ZNF365: variants seen among roughly 807,000 people sequenced by gnomAD.
ZNF365 encodes protein ZNF365.
Under a neutral mutation model 35.0 loss-of-function variants are expected in ZNF365, and 22 were observed. That is an observed-to-expected ratio of 0.63 (90% confidence interval 0.45 to 0.90). The LOEUF is 0.90. ZNF365 is among the 40% of genes least tolerant of loss of function. The probability of loss-of-function intolerance (pLI) is 0.00; values close to 1 mark genes in which losing one functional copy is unlikely to be tolerated. For synonymous variants in ZNF365, 188 were observed against 196.2 expected (o/e 0.96, Z 0.35); for missense variants, 448 against 500.3 (o/e 0.90, Z 1.00).
Position 62,401,160 on chromosome 10 carries a change from A to G in ZNF365, c.*1371A>G. On this transcript the variant is annotated 3_prime_UTR_variant, in exon 5 of 5. Transcript: ENST00000395254. The stretch of plus-strand genomic sequence containing the variant: ...TATACATATATATAACACATACAAA[A>G]TATATATGTTAAGTATATTAATAAT... 1.0e-6 allele frequency: 1 copy of G among 958,392 alleles called. No individual in the cohort carries two copies. The highest frequency in any genetic ancestry group is 1.2e-6 in the Non-Finnish European group (1 of 805,368). 59.4% of individuals were successfully genotyped at this position (958,392 alleles called of 1,614,324 possible). A position where few individuals can be genotyped will look rare whatever the true frequency, so the allele number is the denominator to read the frequency against.
intron 3 of ZNF365, among the ~76,000 whole-genome samples, chr10:62,459,138 A>G (rs1016726620): frequency 6.6e-6 from 1 of 152,250 alleles, no homozygotes; most frequent in Admixed American, 6.5e-5. Context: ...TGGCTAAAAC[A>G]CACATAGATG....
intron 1 of ZNF365, among the ~76,000 whole-genome samples, chr10:62,374,911 G>T (rs1589422496): frequency 6.6e-6 from 1 of 152,266 alleles, no homozygotes; most frequent in East Asian, 1.9e-4. Context: ...GCCAGGGTTT[G>T]CATCTCGTTC....
intron 4 of ZNF365, among the ~76,000 whole-genome samples, chr10:62,467,592 C>G (rs555813077): frequency 6.6e-6 from 1 of 152,114 alleles, no homozygotes; most frequent in Non-Finnish European, 1.5e-5. Flanking sequence ...ATATGATATG[C>G]GTACTACACA....
intron 3 of ZNF365, among the ~76,000 whole-genome samples, chr10:62,450,490 G>T (rs916547207): frequency 1.3e-5 from 2 of 152,130 alleles, no homozygotes; most frequent in Non-Finnish European, 2.9e-5. Flanking sequence ...AATAATTTTT[G>T]AACAAGGAGC....
chr10:62,427,722 A>T (rs1018977591), intron 3 of ZNF365, among the ~76,000 whole-genome samples: 7 of 152,046 alleles, frequency 4.6e-5, no homozygotes, highest in Non-Finnish European at 1.0e-4. Context: ...ATCACCCCTT[A>T]TGTTGCTAAT....
chr10:62,378,263 C>G (rs528592249), intron 2 of ZNF365, among the ~76,000 whole-genome samples: 3 of 152,126 alleles, frequency 2.0e-5, no homozygotes, highest in South Asian at 2.1e-4. Context: ...TTACTCTATG[C>G]GTAAAGAAAG....
intron 3 of ZNF365, among the ~76,000 whole-genome samples, chr10:62,439,071 G>C (rs1449191209): frequency 1.3e-5 from 2 of 152,178 alleles, no homozygotes; most frequent in Non-Finnish European, 2.9e-5. Context: ...ATATCGGTAA[G>C]ACTATCACCT....
chr10:62,466,848 C>T (rs537527429), intron 4 of ZNF365, among the ~76,000 whole-genome samples: 2 of 152,220 alleles, frequency 1.3e-5, no homozygotes, highest in Admixed American at 1.3e-4. Context: ...GTTGCCCAGG[C>T]TGGAGTATAG....
At chr10:62,440,261 G>T (rs1243774618) in intron 3 of ZNF365, among the ~76,000 whole-genome samples, 3 of 150,826 alleles carry the variant, frequency 2.0e-5, no homozygotes, top group Non-Finnish European at 4.4e-5. Context: ...TTTAGGTTCG[G>T]GGGTACATGT....
At chr10:62,449,602 A>T (rs146298541) in intron 3 of ZNF365, among the ~76,000 whole-genome samples, 4 of 152,344 alleles carry the variant, frequency 2.6e-5, no homozygotes, top group Non-Finnish European at 5.9e-5. Context: ...TTTGAATTAA[A>T]AAAATTCTTC....
intron 3 of ZNF365, among the ~76,000 whole-genome samples, chr10:62,430,705 A>C (rs928068632): frequency 6.6e-6 from 1 of 152,228 alleles, no homozygotes; most frequent in Non-Finnish European, 1.5e-5. Flanking sequence ...CAAGCTGCCA[A>C]AACAGGAAGG....
At chr10:62,459,911 A>G (rs1564598220) in intron 4 of ZNF365, 2 of 874,176 alleles carry the variant, frequency 2.3e-6, no homozygotes, top group South Asian at 3.1e-5. Flanking sequence ...TTTCTGTATG[A>G]AAACACACAT....
chr10:62,375,052 G>A (rs924230637), intron 1 of ZNF365, among the ~76,000 whole-genome samples: 8 of 152,174 alleles, frequency 5.3e-5, no homozygotes, highest in Non-Finnish European at 7.3e-5. Context: ...CTCTGCTTTT[G>A]AAGAGGTTGA....
rs141474891 is a variant in ZNF365, at chr10:62,399,326, T to A, written c.963-202T>A. Among the ~76,000 whole-genome samples the A allele has an allele frequency of 3.8e-4, 58 of 152,258 alleles. No individual in the cohort carries two copies. In the Middle Eastern group the frequency reaches 0.014, roughly 36 times the overall value. ...GAACTAGTAATATCTCCCTGGGAAT[T>A]TAGTACCATGTGATCTTTTCATGGC... On this transcript the variant is annotated intron_variant, in intron 4 of 4. Transcript: ENST00000395254.
At chr10:62,450,295 A>G (rs1840659393) in intron 3 of ZNF365, among the ~76,000 whole-genome samples, 1 of 152,230 alleles carries the variant, frequency 6.6e-6, no homozygotes, top group Non-Finnish European at 1.5e-5. Context: ...CTTTACAAAC[A>G]TCATTTCATT....
chr10:62,455,787 A>G (rs1304641038), intron 3 of ZNF365, among the ~76,000 whole-genome samples: 2 of 152,196 alleles, frequency 1.3e-5, no homozygotes, highest in Admixed American at 6.5e-5. Flanking sequence ...AAAGGTCTGC[A>G]TGTATTCTGC....
chr10:62,455,140 G>T (rs947551284), intron 3 of ZNF365, among the ~76,000 whole-genome samples: 8 of 152,170 alleles, frequency 5.3e-5, no homozygotes, highest in African/African-American at 1.7e-4. Flanking sequence ...GAAAAACGCT[G>T]ACAGGTTTTA....
chr10:62,420,473 A>C (rs1840149100), intron 3 of ZNF365, among the ~76,000 whole-genome samples: 2 of 152,202 alleles, frequency 1.3e-5, no homozygotes, highest in South Asian at 2.1e-4. Flanking sequence ...AGAGAATTGC[A>C]TGTAGGATTT....
At chr10:62,477,205 G>A (rs992645150) in intron 4 of ZNF365, among the ~76,000 whole-genome samples, 1 of 152,204 alleles carries the variant, frequency 6.6e-6, no homozygotes, top group African/African-American at 2.4e-5. Flanking sequence ...AATAATGAAT[G>A]TGGCTGGGGT....
Sources: allele counts gnomAD v4.1 joint callset (sites outside exome capture counted in the v4.1 genomes callset), GRCh38; gene constraint gnomAD v4.1.1; transcripts MANE v1.5; gene names NCBI Gene and HGNC (gene_info 2026-07-23, HGNC 2026-07-21).